WWP2: variants seen among roughly 807,000 people sequenced by gnomAD.
WWP2 encodes the protein WW domain containing E3 ubiquitin protein ligase 2.
WWP2 carries 57 observed loss-of-function variants against 121.0 expected under a neutral mutation model. That is an observed-to-expected ratio of 0.47 (90% CI 0.38 to 0.59). The LOEUF (loss-of-function observed/expected upper bound fraction) is 0.59, where lower values mean the gene tolerates loss of function less well. Ranked by LOEUF, WWP2 falls within the 20% of genes least tolerant of loss-of-function variation. The pLI is 0.00. For synonymous variants in WWP2, 449 were observed against 441.3 expected (o/e 1.02, Z -0.22); for missense variants, 962 against 1,158.9 (o/e 0.83, Z 2.47).
chr16:69,839,546 C>T (rs908725924), intron 4 of WWP2, among the ~76,000 whole-genome samples: 1 of 152,170 alleles, frequency 6.6e-6, no homozygotes, highest in Non-Finnish European at 1.5e-5. Flanking sequence ...AATTCTCTCT[C>T]CTTAAGTCAC....
intron 4 of WWP2, among the ~76,000 whole-genome samples, chr16:69,828,977 C>T (rs2056750409): frequency 6.6e-6 from 1 of 152,116 alleles, no homozygotes; most frequent in Admixed American, 6.6e-5. Flanking sequence ...TCAGAAGCAC[C>T]TCAACATGTG....
intron 4 of WWP2, among the ~76,000 whole-genome samples, chr16:69,823,688 G>A (rs1479488128): frequency 3.3e-5 from 5 of 152,084 alleles, no homozygotes; most frequent in East Asian, 1.9e-4. Context: ...TGCTGGCCTC[G>A]AACTCCTGAC....
At chr16:69,898,799 GT>G (rs2058149810) in intron 8 of WWP2, among the ~76,000 whole-genome samples, 2 of 152,118 alleles carry the variant, frequency 1.3e-5, no homozygotes, top group African/African-American at 4.8e-5. Flanking sequence ...TGCCTCCCAG[GT>G]TCAAGCAGTT....
chr16:69,818,013 T>G (rs1369620777), intron 4 of WWP2, among the ~76,000 whole-genome samples: 1 of 152,160 alleles, frequency 6.6e-6, no homozygotes, highest in Non-Finnish European at 1.5e-5. Flanking sequence ...GCCTGCTGCC[T>G]GTGTCCATGG....
At chr16:69,764,890 T>C (rs1205953625) in intron 1 of WWP2, among the ~76,000 whole-genome samples, 1 of 152,250 alleles carries the variant, frequency 6.6e-6, no homozygotes, top group East Asian at 1.9e-4. Flanking sequence ...TTTGGATTTA[T>C]TGGGTTAAAT....
chr16:69,847,330 G>A (rs1045699672), intron 6 of WWP2, among the ~76,000 whole-genome samples: 5 of 150,562 alleles, frequency 3.3e-5, no homozygotes, highest in East Asian at 3.9e-4. Flanking sequence ...GGCGATCCAC[G>A]CACCTTGGCC....
At chr16:69,823,646 T>G (rs1191894673) in intron 4 of WWP2, among the ~76,000 whole-genome samples, 1 of 152,132 alleles carries the variant, frequency 6.6e-6, no homozygotes, top group East Asian at 1.9e-4. Context: ...TTTTATATTT[T>G]TAGTAGAAAA....
At chr16:69,791,264 A>C (rs1282078061) in intron 2 of WWP2, among the ~76,000 whole-genome samples, 1 of 147,438 alleles carries the variant, frequency 6.8e-6, no homozygotes, top group Non-Finnish European at 1.5e-5. Context: ...GTCTCGCTCT[A>C]TCGCCGAGGC....
chr16:69,869,739 C>T (rs2057597508), intron 6 of WWP2, among the ~76,000 whole-genome samples: 1 of 152,134 alleles, frequency 6.6e-6, no homozygotes, highest in African/African-American at 2.4e-5. Context: ...TCTTTATTCC[C>T]AATATCCAAA....
intron 7 of WWP2, 58 bp from the exon 8 acceptor site, chr16:69,887,981 G>T (rs1351427256): frequency 6.3e-7 from 1 of 1,592,014 alleles, no homozygotes; most frequent in Admixed American, 1.7e-5. Flanking sequence ...AACCTAGCAA[G>T]TATAAATAAA....
intron 1 of WWP2, among the ~76,000 whole-genome samples, chr16:69,786,687 G>A (rs548545155): frequency 2.0e-5 from 3 of 151,616 alleles, no homozygotes; most frequent in African/African-American, 7.3e-5. Flanking sequence ...CTGACCTCAG[G>A]TGATCTGGCC....
chr16:69,883,284 A>G (rs576503435), intron 7 of WWP2, among the ~76,000 whole-genome samples: 35 of 152,152 alleles, frequency 2.3e-4, no homozygotes, highest in South Asian at 2.1e-4. Flanking sequence ...CTGGTTGACC[A>G]GGGTGACCGT....
At position 69,932,177 on chromosome 16, in the gene WWP2, C is replaced by A. The variant is rs941892909; in HGVS notation, c.1682+287C>A. On this transcript the variant is annotated intron_variant, in intron 16 of 23. Transcript: ENST00000359154. ...AAACCCCGTCTCTATTAAAAATACA[C>A]AATTAGCTGGGCGTGGTGGTGCATG... is the stretch of plus-strand genomic sequence containing the variant. 4.6e-5 allele frequency among the ~76,000 whole-genome samples: 7 copies of A among 152,278 alleles called. No individual in the cohort carries two copies. The East Asian group carries it at 1.4e-3, about 29-fold the overall frequency.
At chr16:69,858,118 A>T (rs545465990) in intron 6 of WWP2, among the ~76,000 whole-genome samples, 1 of 139,836 alleles carries the variant, frequency 7.2e-6, no homozygotes, top group African/African-American at 3.0e-5. Flanking sequence ...TAGAACCAGT[A>T]AAAAAAAAAA....
rs745772985 is a variant in WWP2 at position 69,937,003 on chromosome 16, G to A, written c.2118-115G>A. 210 of 1,410,466 alleles carry A rather than the reference G, an allele frequency of 1.5e-4. No homozygotes were observed. The highest frequency in any genetic ancestry group is 1.7e-4 in the Non-Finnish European group (184 of 1,059,058). 87.4% of individuals were successfully genotyped at this position (1,410,466 alleles called of 1,614,324 possible). ...TCCAGCAGGCTGGGTCTGGGTGTGC[G>A]AAGTGGGCTCTGCTGATCTGGTGGT... On this transcript the variant is annotated intron_variant, in intron 19 of 23. Transcript: ENST00000359154. The surrounding 1 kb of genome is among the most constrained non-coding windows in gnomAD (Gnocchi z 6.6).
intron 4 of WWP2, among the ~76,000 whole-genome samples, chr16:69,825,136 C>G (rs902999245): frequency 1.3e-4 from 11 of 83,920 alleles, no homozygotes; most frequent in African/African-American, 3.2e-4. Flanking sequence ...TCAAAGTGGG[C>G]GATACTGGCT....
At chr16:69,830,330 C>G (rs7188413) in intron 4 of WWP2, among the ~76,000 whole-genome samples, 7,840 of 152,226 alleles carry the variant, frequency 0.052, 702 homozygotes, top group African/African-American at 0.18. Context: ...CTCAAGCCAT[C>G]CTCCTGCCTC....
intron 4 of WWP2, among the ~76,000 whole-genome samples, chr16:69,837,401 G>C (rs755186085): frequency 6.6e-6 from 1 of 152,206 alleles, no homozygotes; most frequent in Non-Finnish European, 1.5e-5. Flanking sequence ...GTGTCTCAAG[G>C]TGTTGTATGA....
intron 1 of WWP2, among the ~76,000 whole-genome samples, chr16:69,778,072 A>AGTATATAT (rs1287548097): frequency 7.3e-6 from 1 of 137,532 alleles, no homozygotes; most frequent in African/African-American, 2.8e-5. Flanking sequence ...CCCTGTCTCA[A>AGTATATAT]ATATATATAT....
Sources: allele counts gnomAD v4.1 joint callset (sites outside exome capture counted in the v4.1 genomes callset), GRCh38; gene constraint gnomAD v4.1.1; non-coding constraint Gnocchi (gnomAD v3.1); transcripts MANE v1.5; gene names NCBI Gene and HGNC (gene_info 2026-07-23, HGNC 2026-07-21).